TNS1: variants seen among roughly 807,000 people sequenced by gnomAD.
The protein encoded by TNS1 is tensin-1.
TNS1 carries 62 observed loss-of-function variants against 168.6 expected under a neutral mutation model. The observed-to-expected ratio is 0.37, with a 90% confidence interval of 0.30 to 0.45. The LOEUF (loss-of-function observed/expected upper bound fraction) is 0.45. Among genes scored for constraint, TNS1 ranks in the 20% least tolerant of loss-of-function variants. The pLI is 1.00. For synonymous variants in TNS1, 934 were observed against 933.2 expected (o/e 1.00, Z -0.02); for missense variants, 2,240 against 2,339.4 (o/e 0.96, Z 0.88).
At chr2:217,977,584 C>T (rs1957926606) in intron 3 of TNS1, among the ~76,000 whole-genome samples, 1 of 152,228 alleles carries the variant, frequency 6.6e-6, no homozygotes, top group Non-Finnish European at 1.5e-5. Flanking sequence ...TTTTTGAGCA[C>T]CCACCCTGTG....
At chr2:217,892,496 T>C (rs1951841195) in intron 11 of TNS1, among the ~76,000 whole-genome samples, 1 of 152,236 alleles carries the variant, frequency 6.6e-6, no homozygotes, top group African/African-American at 2.4e-5. Flanking sequence ...CTGGATGTTC[T>C]TTATTCTTGT....
intron 1 of TNS1, 54 bp downstream of exon 1, chr2:218,002,786 G>C (rs934660943): frequency 3.9e-5 from 18 of 456,418 alleles, no homozygotes; most frequent in South Asian, 1.2e-4. Flanking sequence ...GGGGCCGGTG[G>C]GGGGCGGGGG....
chr2:217,972,341 C>A (rs976362051), intron 3 of TNS1, among the ~76,000 whole-genome samples: 13 of 152,198 alleles, frequency 8.5e-5, no homozygotes, highest in African/African-American at 2.7e-4. Flanking sequence ...GGGCCATGAA[C>A]CTCCTCCCAC....
At chr2:217,804,981 A>C (rs369655773) in intron 32 of TNS1, among the ~76,000 whole-genome samples, 1 of 143,348 alleles carries the variant, frequency 7.0e-6, no homozygotes, top group Admixed American at 6.9e-5. Context: ...GACTGTTCTT[A>C]CACACAACAC....
chr2:217,888,780 G>T (rs1277655929), intron 12 of TNS1, among the ~76,000 whole-genome samples: 1 of 152,186 alleles, frequency 6.6e-6, no homozygotes, highest in East Asian at 1.9e-4. Context: ...GTGGAACTGT[G>T]AGTCCATTAA....
chr2:217,981,824 T>C (rs1451859936), intron 2 of TNS1, among the ~76,000 whole-genome samples: 1 of 152,202 alleles, frequency 6.6e-6, no homozygotes, highest in Non-Finnish European at 1.5e-5. Flanking sequence ...AATCTCAAGT[T>C]TGGGCCTGTC....
intron 18 of TNS1, chr2:217,879,436 G>A (rs1481016808): frequency 2.2e-5 from 10 of 454,882 alleles, no homozygotes; most frequent in Admixed American, 2.1e-4. Flanking sequence ...GGGGATGGAG[G>A]AGTGCTTTTC....
intron 1 of TNS1, 125 bp downstream of exon 1, chr2:218,002,715 G>C: frequency 2.2e-6 from 1 of 447,412 alleles, no homozygotes; most frequent in Non-Finnish European, 4.5e-6. Context: ...AGACAGAAAG[G>C]CCCCTCCTTC....
At chr2:217,949,825 A>T (rs757093431) in intron 3 of TNS1, among the ~76,000 whole-genome samples, 1 of 152,242 alleles carries the variant, frequency 6.6e-6, no homozygotes, top group Non-Finnish European at 1.5e-5. Flanking sequence ...TTTATAAATG[A>T]GCCAGAATTA....
Position 217,893,543 on chromosome 2 carries a change from G to C in TNS1, c.613C>G (p.Pro205Ala). ...LHAKVLEFGW[P>A]DLHTPALEKI... ...TCCAGGGCTGGGGTGTGGAGGTCGG[G>C]CCAGCCAAATTCCAGTACCTGTGGC... Residue 205 changes from proline (P) to alanine (A), a missense_variant, in exon 10 of 33, where the codon CCC becomes GCC. Physicochemically the swap from Pro to Ala is conservative, Grantham distance 27 (BLOSUM62 -1). Around this residue, in one of 2 missense-constraint regions of TNS1, gnomAD observed 2,131 missense variants for 2,171.2 expected, o/e 0.98. Transcript: ENST00000682258. 1 of 1,611,602 alleles carries C rather than the reference G, an allele frequency of 6.2e-7. No individual in the cohort carries two copies. The highest frequency in any genetic ancestry group is 8.5e-7 in the Non-Finnish European group (1 of 1,179,084).
intron 18 of TNS1, among the ~76,000 whole-genome samples, chr2:217,871,721 A>G (rs1949791873): frequency 6.6e-6 from 1 of 152,228 alleles, no homozygotes. Flanking sequence ...AACCTGGAGG[A>G]CACCTTCTCA....
chr2:217,842,011 C>A lies in TNS1; in HGVS notation c.3007+5499G>T, dbSNP rs748560810. 24 of 698,622 alleles carry A rather than the reference C, an allele frequency of 3.4e-5. No individual in the cohort carries two copies. In the East Asian group the frequency reaches 4.0e-4, roughly 12 times the overall value. 43.3% of individuals were successfully genotyped at this position (698,622 alleles called of 1,614,324 possible). On this transcript the variant is annotated intron_variant, in intron 19 of 32. Coordinates refer to ENST00000682258, the MANE Select transcript of TNS1 (RefSeq NM_001387777.1). ...CCACAGGGGCCACAGGAGTGGCCAA[C>A]ATTGCCCCTGCCCTGGCCCCCAGAG...
intron 3 of TNS1, among the ~76,000 whole-genome samples, chr2:217,927,275 C>G (rs1956081101): frequency 6.6e-6 from 1 of 152,140 alleles, no homozygotes; most frequent in Non-Finnish European, 1.5e-5. Context: ...AAGAAGCCCC[C>G]CTTTGGCTGG....
At position 217,863,152 on chromosome 2, in the gene TNS1, T is replaced by C. The variant is rs1211783053; in HGVS notation, c.1430-14065A>G. Among the ~76,000 whole-genome samples, 3 of 152,202 alleles carry C rather than the reference T, an allele frequency of 2.0e-5. No individual in the cohort carries two copies. The East Asian group carries it at 5.8e-4, about 29-fold the overall frequency. On this transcript the variant is annotated intron_variant, in intron 18 of 32. Coordinates refer to ENST00000682258, the MANE Select transcript of TNS1 (RefSeq NM_001387777.1). ...TTGTTCTTCCTCGTAAAGAACAGAATGGCTGAGTGCTTTGGTTTCCAAGCA... is the reference window on the plus strand; with the variant it reads ...TTGTTCTTCCTCGTAAAGAACAGAACGGCTGAGTGCTTTGGTTTCCAAGCA...
At chr2:218,011,288 TA>T (rs1232844368), upstream of TNS1, among the ~76,000 whole-genome samples, 2 of 151,890 alleles carry the variant, frequency 1.3e-5, no homozygotes, top group Non-Finnish European at 2.9e-5. Context: ...TCCTGGACTC[TA>T]GAGAGAGATG....
intron 6 of TNS1, among the ~76,000 whole-genome samples, chr2:217,905,795 G>T (rs896039693): frequency 3.3e-5 from 5 of 152,174 alleles, no homozygotes; most frequent in African/African-American, 9.6e-5. Flanking sequence ...TCCATTTCAG[G>T]CATCCGCCCC....
intron 25 of TNS1, chr2:217,814,158 G>A (rs991880315): frequency 2.2e-5 from 4 of 182,152 alleles, no homozygotes; most frequent in Admixed American, 1.1e-4. Context: ...ACTATTCAGT[G>A]TGTGCCATTT....
chr2:217,807,995 T>C (rs1939509310), intron 32 of TNS1, 80 bp downstream of exon 32: 1 of 1,547,922 alleles, frequency 6.5e-7, no homozygotes, highest in Non-Finnish European at 8.9e-7. Flanking sequence ...CCAGCCCTGG[T>C]TTCTAAATGT....
At position 217,813,857 on chromosome 2, in the gene TNS1, C is replaced by A; in HGVS notation, c.4730-41G>T. 2 of 1,539,804 alleles carry A rather than the reference C, an allele frequency of 1.3e-6. No individual in the cohort carries two copies. Among genetic ancestry groups the A allele is most frequent in the Non-Finnish European group, 1.8e-6 (2 of 1,142,110 alleles). ...ACAAGGAGAGAGGAGGAAGCAAGAC[C>A]TCGGTGGCGCTAGTTTTACTTAAGT... On this transcript the variant is annotated intron_variant, in intron 25 of 32. Transcript: ENST00000682258. This position sits in a 1 kb window ranked among gnomAD's most constrained non-coding sequence, Gnocchi z 4.0.
Sources: gnomAD v4.1 joint callset for allele counts (sites outside exome capture counted in the v4.1 genomes callset) on GRCh38, gnomAD v4.1.1 for gene constraint, gnomAD v4.1.1 regional missense constraint, Gnocchi (gnomAD v3.1) non-coding constraint, MANE v1.5 for transcripts, NCBI Gene and HGNC (gene_info 2026-07-23, HGNC 2026-07-21) for gene names.